Variants in ADGRG4 observed in about 807,000 individuals in gnomAD.
ADGRG4 encodes adhesion G protein-coupled receptor G4.
A neutral mutation model predicts 126.2 loss-of-function variants in ADGRG4; 122 were observed. The observed-to-expected ratio is 0.97, with a 90% CI of 0.83 to 1.12. ADGRG4 has a LOEUF of 1.12. Ranked by LOEUF, ADGRG4 falls within the 50% of genes most tolerant of loss-of-function variation. The pLI is 0.00. For missense variants in ADGRG4, 2,481 were observed against 2,251.8 expected (o/e 1.10, Z -2.06); for synonymous variants, 943 against 838.7 (o/e 1.12, Z -2.15).
chrX:136,389,045 T>C (rs1003703001), intron 16 of ADGRG4, among the ~76,000 whole-genome samples: 1 of 111,978 alleles, frequency 8.9e-6, no homozygotes, highest in Admixed American at 9.4e-5. Flanking sequence ...CACATACCCA[T>C]ACCACACGCC....
intron 5 of ADGRG4, among the ~76,000 whole-genome samples, chrX:136,336,486 A>G (rs2074948952): frequency 9.0e-6 from 1 of 111,230 alleles, no homozygotes; most frequent in Non-Finnish European, 1.9e-5. Context: ...TTTTCCTTTC[A>G]GCTCCATCAG....
At chrX:136,356,702 G>T (rs1181576879) in intron 9 of ADGRG4, among the ~76,000 whole-genome samples, 1 of 112,101 alleles carries the variant, frequency 8.9e-6, no homozygotes, top group African/African-American at 3.2e-5. Context: ...ATACAATCAA[G>T]CCCACAGTAC....
chrX:136,322,090 T>TG (rs1162562847), intron 4 of ADGRG4, among the ~76,000 whole-genome samples: 1 of 111,659 alleles, frequency 9.0e-6, no homozygotes, highest in Non-Finnish European at 1.9e-5. Flanking sequence ...CAATGGTAAC[T>TG]GGGGTCTATG....
intron 13 of ADGRG4, among the ~76,000 whole-genome samples, chrX:136,364,173 A>G (rs745426893): frequency 1.4e-4 from 16 of 111,215 alleles, no homozygotes; most frequent in African/African-American, 4.6e-4. Context: ...AAGTTTTAAT[A>G]GGTAATACTT....
chrX:136,349,522 C>T lies in ADGRG4; in HGVS notation c.5816C>T (p.Ser1939Leu), dbSNP rs1367888559. Residue 1939 changes from serine to leucine, a missense_variant, in exon 6 of 26, where the codon TCA (serine) becomes TTA (leucine). Transcript: ENST00000394143. The part of the protein sequence containing the change: ...LVSKDVMAMS[S>L]IPMSGILPNH... ...TCTAAAGATGTCATGGCAATGTCAT[C>T]AATTCCTATGTCAGGAATTCTTCCT... The T allele has an allele frequency of 4.1e-6, 5 of 1,205,582 alleles. No individual in the cohort carries two copies. In the East Asian group the frequency reaches 1.5e-4, roughly 36 times the overall value.
chrX:136,374,369 T>C (rs1303486056), intron 15 of ADGRG4, among the ~76,000 whole-genome samples: 1 of 111,693 alleles, frequency 9.0e-6, no homozygotes, highest in Admixed American at 9.5e-5. Flanking sequence ...TATTTCTATG[T>C]CTTGGATAAA....
chrX:136,413,302 T>C (rs1045853582), intron 24 of ADGRG4, among the ~76,000 whole-genome samples: 1 of 100,155 alleles, frequency 1.0e-5, no homozygotes, highest in Non-Finnish European at 2.0e-5. Flanking sequence ...CGTGATCTCA[T>C]TGTTCAATTC....
chrX:136,338,188 C>G lies in ADGRG4; in HGVS notation c.686-6204C>G, dbSNP rs781219314. 1.9e-4 allele frequency among the ~76,000 whole-genome samples: 20 copies of G among 106,054 alleles called. No homozygotes were observed. The South Asian group carries it at 8.7e-3, about 46-fold the overall frequency. 92.1% of individuals were successfully genotyped at this position (106,054 alleles called of 115,157 possible). On this transcript the variant is annotated intron_variant, in intron 5 of 25. Transcript: ENST00000394143. ...TTTTTTTTTTTTCAATACAGAGTCT[C>G]GTTCTGTCGCCCAGGCTGGAGTACA... is the stretch of plus-strand genomic sequence containing the variant.
rs1435870547 is a variant in ADGRG4 at position 136,345,397 on chromosome X, C to T, written c.1691C>T (p.Ser564Leu). Residue 564 changes from serine to leucine, a missense_variant, in exon 6 of 26, where the codon TCA becomes TTA. By Grantham distance (145) the Ser-to-Leu change is moderately radical. Transcript: ENST00000394143. ...ACCTTTTCTTTCTTAACATCCTTTT[C>T]ATTTACTGGGACTGAGAGTGTACAG... ...SKTFSFLTSF[S>L]FTGTESVQTV... 8.3e-7 allele frequency: 1 copy of T among 1,208,215 alleles called. No homozygotes were observed. The highest frequency in any genetic ancestry group is 1.8e-5 in the African/African-American group (1 of 57,079).
chrX:136,365,611 G>A (rs1387876506), intron 13 of ADGRG4, among the ~76,000 whole-genome samples: 3 of 111,767 alleles, frequency 2.7e-5, no homozygotes, highest in African/African-American at 9.8e-5. Flanking sequence ...AGGTCATATA[G>A]TAACCCTATG....
intron 15 of ADGRG4, among the ~76,000 whole-genome samples, chrX:136,381,733 A>G (rs2075265055): frequency 9.0e-6 from 1 of 110,862 alleles, no homozygotes; most frequent in Admixed American, 9.7e-5. Flanking sequence ...AGAGTTTATT[A>G]AGTATTAACT....
At chrX:136,367,218 C>T (rs1458561448) in intron 13 of ADGRG4, among the ~76,000 whole-genome samples, 1 of 112,028 alleles carries the variant, frequency 8.9e-6, no homozygotes. Context: ...AGGGAATTGG[C>T]CTTGAAGCAG....
chrX:136,356,539 A>C (rs1399720383), intron 9 of ADGRG4, among the ~76,000 whole-genome samples: 1 of 112,416 alleles, frequency 8.9e-6, no homozygotes, highest in Non-Finnish European at 1.9e-5. Flanking sequence ...ATTTGAAGCC[A>C]GAGTGTGATA....
chrX:136,374,423 T>C (rs2075213408), intron 15 of ADGRG4, among the ~76,000 whole-genome samples: 1 of 111,000 alleles, frequency 9.0e-6, no homozygotes, highest in Admixed American at 9.6e-5. Flanking sequence ...ATGTTTATTA[T>C]TTATTTATTT....
At chrX:136,317,178 C>T (rs1487820445) in intron 4 of ADGRG4, among the ~76,000 whole-genome samples, 2 of 111,215 alleles carry the variant, frequency 1.8e-5, no homozygotes, top group East Asian at 2.8e-4. Flanking sequence ...TCTTCACGAC[C>T]TTTGGTTTGG....
In ADGRG4 at chrX:136,345,755, A is replaced by T. The variant is rs1243470709; in HGVS notation, c.2049A>T (p.Thr683=). ...ILTFVPNENF[T]SAFHENTTYT... ...CATTTGTGCCTAATGAAAATTTTACATCAGCATTTCATGAGAATACTACTT... is the reference window on the plus strand; with the variant it reads ...CATTTGTGCCTAATGAAAATTTTACTTCAGCATTTCATGAGAATACTACTT... The change falls in exon 6 of 26, where the codon ACA becomes ACT. Residue 683 remains threonine (T), a synonymous_variant. Coordinates refer to ENST00000394143, the MANE Select transcript of ADGRG4 (RefSeq NM_153834.4). 1 of 1,209,044 alleles carries T rather than the reference A, an allele frequency of 8.3e-7. No individual in the cohort carries two copies. The highest frequency in any genetic ancestry group is 1.1e-6 in the Non-Finnish European group (1 of 894,359).
In ADGRG4 at chrX:136,323,184, C is replaced by G. The variant is rs201817512; in HGVS notation, c.477C>G (p.Phe159Leu). 2.8e-5 allele frequency: 34 copies of G among 1,209,718 alleles called. No individual in the cohort carries two copies. The East Asian group carries it at 5.3e-4, about 19-fold the overall frequency. Residue 159 changes from phenylalanine to leucine, a missense_variant, in exon 5 of 26, where the codon TTC becomes TTG. Coordinates refer to ENST00000394143, the MANE Select transcript of ADGRG4 (RefSeq NM_153834.4). ...PHNLTPHGTLFLGHFLKNESS... is the reference protein window; with the variant it reads ...PHNLTPHGTLLLGHFLKNESS... The stretch of plus-strand genomic sequence containing the variant: ...ACCTGACACCTCATGGGACTCTGTT[C>G]CTAGGGCACTTTCTCAAGAATGAGA...
intron 4 of ADGRG4, among the ~76,000 whole-genome samples, chrX:136,321,176 A>G (rs749917322): frequency 8.9e-6 from 1 of 112,048 alleles, no homozygotes; most frequent in Non-Finnish European, 1.9e-5. Flanking sequence ...TATTAGCCAC[A>G]CAAAAGATGA....
chrX:136,349,334 A>C lies in ADGRG4; in HGVS notation c.5628A>C (p.Gln1876His), dbSNP rs766437472. Residue 1876 changes from glutamine to histidine, a missense_variant, in exon 6 of 26, where the codon CAA becomes CAC. Coordinates refer to ENST00000394143, the MANE Select transcript of ADGRG4 (RefSeq NM_153834.4). ...LGTRMTSSNT[Q>H]PLLMTSWNIP... is the part of the protein sequence containing the mutation. ...CAAGAATGACATCTAGTAATACCCA[A>C]CCTCTGCTTATGACTTCCTGGAACA... The C allele has an allele frequency of 8.3e-7, 1 of 1,209,021 alleles. No individual in the cohort carries two copies. Among genetic ancestry groups the C allele is most frequent in the Non-Finnish European group, 1.1e-6 (1 of 893,868 alleles).
Sources: gnomAD v4.1 joint callset for allele counts (sites outside exome capture counted in the v4.1 genomes callset) on GRCh38, gnomAD v4.1.1 for gene constraint, MANE v1.5 for transcripts, NCBI Gene and HGNC (gene_info 2026-07-23, HGNC 2026-07-21) for gene names.